CPNE2: variants seen among roughly 807,000 people sequenced by gnomAD.
CPNE2 encodes the protein copine-2.
CPNE2 carries 42 observed loss-of-function variants against 69.7 expected under a neutral mutation model. The ratio of observed to expected loss-of-function variants is 0.60; its 90% confidence interval spans 0.47 to 0.78. The LOEUF is 0.78. Among genes scored for constraint, CPNE2 ranks in the 30% least tolerant of loss-of-function variants. The pLI is 0.00. For synonymous variants in CPNE2, 294 were observed against 289.8 expected (o/e 1.01, Z -0.15); for missense variants, 587 against 732.0 (o/e 0.80, Z 2.29).
At chr16:57,126,266 A>T (rs113371881) in intron 11 of CPNE2, among the ~76,000 whole-genome samples, 78 of 152,264 alleles carry the variant, frequency 5.1e-4, no homozygotes, top group African/African-American at 1.4e-3. Flanking sequence ...GGAAGATTAA[A>T]CTCATTCATT....
intron 10 of CPNE2, chr16:57,125,518 A>G (rs1438806707): frequency 1.5e-5 from 6 of 389,396 alleles, no homozygotes; most frequent in Non-Finnish European, 2.5e-5. Flanking sequence ...CTGGCTCTGC[A>G]TGCAGAGCGA....
At position 57,124,852 on chromosome 16, in the gene CPNE2, C is replaced by A. The variant is rs533167636; in HGVS notation, c.928-1008C>A. The stretch of plus-strand genomic sequence containing the variant: ...CCCTGCTGCCCACCACTGCCCCCTC[C>A]CCTGCACAGAGGCCAGGCCCTCCTG... On this transcript the variant is annotated intron_variant, in intron 10 of 15. Coordinates refer to ENST00000290776, the MANE Select transcript of CPNE2 (RefSeq NM_152727.6). 3.9e-5 allele frequency: 9 copies of A among 233,420 alleles called. No homozygotes were observed. The East Asian group carries it at 8.4e-4, about 22-fold the overall frequency. The allele number at this position is 233,420 out of a possible 1,614,324, so 14.5% of individuals were successfully genotyped here.
chr16:57,127,714 G>A (rs1597500990), intron 11 of CPNE2, 135 bp from the exon 12 acceptor site: 2 of 846,836 alleles, frequency 2.4e-6, no homozygotes, highest in East Asian at 5.3e-5. Flanking sequence ...GATCCTAACA[G>A]CTTTTTCTAG....
Position 57,147,763 on chromosome 16 carries a change from C to G in CPNE2, c.*105C>G, listed in dbSNP as rs1367968567. On this transcript the variant is annotated 3_prime_UTR_variant, in exon 16 of 16. Transcript: ENST00000290776. ...TGGGTGGCCTTTTTTTACCGATCCC[C>G]TTTTTTATTTTTTACAACCGGACCT... 4 of 671,758 alleles carry G rather than the reference C, an allele frequency of 6.0e-6. No individual in the cohort carries two copies. The highest frequency in any genetic ancestry group is 9.0e-6 in the Non-Finnish European group (4 of 445,536). 41.6% of individuals were successfully genotyped at this position (671,758 alleles called of 1,614,324 possible).
rs1482818117 is a variant in CPNE2, at chr16:57,146,082, C to A, written c.1303-3C>A. The A allele has an allele frequency of 6.2e-7, 1 of 1,602,998 alleles. No individual in the cohort carries two copies. The highest frequency in any genetic ancestry group is 1.1e-5 in the South Asian group (1 of 88,972). ...GAGTGCCCCGTTGGCCCCCTCCCTG[C>A]AGCAGTACTTCATCCTCCTCATCAT... On this transcript the variant is annotated splice_region_variant and splice_polypyrimidine_tract_variant and intron_variant, in intron 14 of 15. Coordinates refer to ENST00000290776, the MANE Select transcript of CPNE2 (RefSeq NM_152727.6). The surrounding 1 kb of genome is among the most constrained non-coding windows in gnomAD (Gnocchi z 4.4).
In CPNE2 at chr16:57,110,931, C is replaced by T. The variant is rs535984786; in HGVS notation, c.180+9C>T. The T allele has an allele frequency of 9.3e-6, 15 of 1,607,874 alleles. No individual in the cohort carries two copies. The Admixed American group carries it at 1.8e-4, about 20-fold the overall frequency. ...ATGGCAGATGGATCGAGGTGAGGCT[C>T]TTCCGTGTGTCTGCGGTGGGTAAGG... is the stretch of plus-strand genomic sequence containing the variant. On this transcript the variant is annotated intron_variant, in intron 2 of 15. Transcript: ENST00000290776.
In CPNE2 at chr16:57,123,457, G is replaced by T. The variant is rs778118275; in HGVS notation, c.911G>T (p.Cys304Phe). 3.1e-6 allele frequency: 5 copies of T among 1,613,040 alleles called. No homozygotes were observed. In the South Asian group the frequency reaches 4.4e-5, roughly 14 times the overall value. ...YSFLDYILGGCQLMFTVGIDF... is the reference protein window; with the variant it reads ...YSFLDYILGGFQLMFTVGIDF... ...TTCCTTGACTACATCCTGGGAGGCT[G>T]CCAGCTCATGTTCACCGTAAGGCTC... The change falls in exon 10 of 16, where the codon TGC (cysteine) becomes TTC (phenylalanine). Residue 304 changes from cysteine (C) to phenylalanine (F), a missense_variant. Physicochemically the swap from Cys to Phe is radical, Grantham distance 205. Transcript: ENST00000290776.
At chr16:57,138,753 G>C (rs1222452947) in intron 14 of CPNE2, among the ~76,000 whole-genome samples, 4 of 152,204 alleles carry the variant, frequency 2.6e-5, no homozygotes, top group African/African-American at 9.7e-5. Context: ...GCCTGGTCCA[G>C]TGCCTGGGCT....
rs576379928 is a variant in CPNE2, at chr16:57,120,363, A to C, written c.681+713A>C. ...GCCAAGGTGGGTGGATCACGATGTC[A>C]GGAGATTGAGACCACCCTGGCCTCT... On this transcript the variant is annotated intron_variant, in intron 7 of 15. Transcript: ENST00000290776. Among the ~76,000 whole-genome samples the C allele has an allele frequency of 2.0e-5, 3 of 151,786 alleles. No individual in the cohort carries two copies. In the East Asian group the frequency reaches 5.8e-4, roughly 29 times the overall value.
In CPNE2 at chr16:57,146,345, G is replaced by A; in HGVS notation, c.1539+24G>A. On this transcript the variant is annotated intron_variant, in intron 15 of 15. Coordinates refer to ENST00000290776, the MANE Select transcript of CPNE2 (RefSeq NM_152727.6). The surrounding 1 kb of genome is among the most constrained non-coding windows in gnomAD (Gnocchi z 4.4). ...ACGTGAGTGTGGGCCTGGGCTGGGA[G>A]GGGGCGGTTACAGGATCCCAGCCAC... The A allele has an allele frequency of 6.6e-7, 1 of 1,524,202 alleles. No individual in the cohort carries two copies. The highest frequency in any genetic ancestry group is 1.2e-5 in the South Asian group (1 of 80,800). The allele number at this position is 1,524,202 out of a possible 1,614,324, so 94.4% of individuals were successfully genotyped here.
At chr16:57,134,023 G>T (rs1315413408) in intron 12 of CPNE2, among the ~76,000 whole-genome samples, 1 of 152,198 alleles carries the variant, frequency 6.6e-6, no homozygotes, top group Non-Finnish European at 1.5e-5. Flanking sequence ...TGCAGGCACT[G>T]CAGTCTCACC....
In CPNE2 at chr16:57,137,290, G is replaced by A; in HGVS notation, c.1302+8G>A. The stretch of plus-strand genomic sequence containing the variant: ...CAACAGCGGACGGCCACGGTGAGTA[G>A]GCAGCTGCAAGCCAGTCATGCCAGG... On this transcript the variant is annotated splice_region_variant and intron_variant, in intron 14 of 15. Transcript: ENST00000290776. The A allele has an allele frequency of 6.2e-7, 1 of 1,613,840 alleles. No individual in the cohort carries two copies. The highest frequency in any genetic ancestry group is 8.5e-7 in the Non-Finnish European group (1 of 1,179,962).
intron 7 of CPNE2, among the ~76,000 whole-genome samples, chr16:57,120,357 G>A (rs1032099684): frequency 3.3e-5 from 5 of 151,068 alleles, no homozygotes; most frequent in African/African-American, 7.3e-5. Context: ...GGTGGATCAC[G>A]ATGTCAGGAG....
intron 4 of CPNE2, 146 bp downstream of exon 4, chr16:57,115,696 CA>C: frequency 3.4e-6 from 2 of 587,598 alleles, no homozygotes; most frequent in Non-Finnish European, 5.9e-6. Flanking sequence ...GGTCTCTTAG[CA>C]ACCGGCTGCT....
At chr16:57,123,985 G>A (rs556895544) in intron 10 of CPNE2, 12 of 174,412 alleles carry the variant, frequency 6.9e-5, no homozygotes, top group Admixed American at 4.0e-4. Context: ...CAGGCCTGAG[G>A]AGGTAACGGA....
chr16:57,096,389 TC>T (rs1312487698), intron 1 of CPNE2, among the ~76,000 whole-genome samples: 8 of 152,080 alleles, frequency 5.3e-5, no homozygotes, highest in Non-Finnish European at 1.2e-4. Context: ...GTTGGGCATG[TC>T]TCTGAAAGAC....
At chr16:57,093,166 C>T (rs2069555156) in intron 1 of CPNE2, among the ~76,000 whole-genome samples, 1 of 152,092 alleles carries the variant, frequency 6.6e-6, no homozygotes, top group South Asian at 2.1e-4. Context: ...CGTGAGGTCG[C>T]CCTGGCTCTC....
chr16:57,100,700 G>A (rs2069607721), intron 1 of CPNE2, among the ~76,000 whole-genome samples: 1 of 152,210 alleles, frequency 6.6e-6, no homozygotes, highest in Admixed American at 6.5e-5. Flanking sequence ...TGGGGATGTT[G>A]TGAAGCTATA....
intron 4 of CPNE2, among the ~76,000 whole-genome samples, 199 bp downstream of exon 4, chr16:57,115,749 G>T (rs1254606898): frequency 6.6e-6 from 1 of 152,224 alleles, no homozygotes; most frequent in African/African-American, 2.4e-5. Context: ...AGCTGGGGAG[G>T]CCTCCAGAGC....
Sources: allele counts gnomAD v4.1 joint callset (sites outside exome capture counted in the v4.1 genomes callset), GRCh38; gene constraint gnomAD v4.1.1; non-coding constraint Gnocchi (gnomAD v3.1); transcripts MANE v1.5; gene names NCBI Gene and HGNC (gene_info 2026-07-23, HGNC 2026-07-21).